CXADR: variants seen among roughly 807,000 people sequenced by gnomAD.
CXADR encodes CXADR cell adhesion molecule, also known as coxsackievirus and adenovirus receptor.
CXADR carries 20 observed loss-of-function variants against 40.3 expected under a neutral mutation model. The ratio of observed to expected loss-of-function variants is 0.50; its 90% CI spans 0.35 to 0.72. The LOEUF (loss-of-function observed/expected upper bound fraction) is 0.72, where lower values mean the gene tolerates loss of function less well. CXADR is among the 30% of genes least tolerant of loss of function. The pLI is 0.01. For synonymous variants in CXADR, 150 were observed against 161.3 expected, an observed-to-expected ratio of 0.93 and a Z score of 0.53; for missense variants, 332 against 449.1, an observed-to-expected ratio of 0.74 and a Z score of 2.36.
chr21:17,572,572 C>T (rs1236969187), downstream of CXADR, among the ~76,000 whole-genome samples: 2 of 151,996 alleles, frequency 1.3e-5, no homozygotes, highest in Non-Finnish European at 2.9e-5. Context: ...CGGATTCCCG[C>T]TGAATAGGTC....
At chr21:17,518,593 G>A (rs2060490297) in intron 1 of CXADR, 1 of 1,327,380 alleles carries the variant, frequency 7.5e-7, no homozygotes, top group African/African-American at 1.4e-5. Context: ...CTCCTCATCA[G>A]TGTCTTCTGG....
chr21:17,628,654 C>T, the CXADR span, among the ~76,000 whole-genome samples: 2 of 152,198 alleles, frequency 1.3e-5, no homozygotes, highest in Non-Finnish European at 2.9e-5. Flanking sequence ...GCGCACGCCA[C>T]CACGCCCAGC....
intron 1 of CXADR, among the ~76,000 whole-genome samples, chr21:17,538,288 C>T (rs1282455845): frequency 6.6e-6 from 1 of 152,086 alleles, no homozygotes; most frequent in African/African-American, 2.4e-5. Context: ...GTGTGAGCCA[C>T]CGCGCCCAGC....
chr21:17,627,230 C>A, the CXADR span, among the ~76,000 whole-genome samples: 1 of 152,160 alleles, frequency 6.6e-6, no homozygotes, highest in Non-Finnish European at 1.5e-5. Flanking sequence ...GTGGCTCATG[C>A]CTGTAATCCC....
chr21:17,516,630 C>G (rs1331198972), intron 1 of CXADR, among the ~76,000 whole-genome samples: 1 of 152,176 alleles, frequency 6.6e-6, no homozygotes, highest in Non-Finnish European at 1.5e-5. Context: ...GTGGCCAAGC[C>G]TCACTGTGTG....
the CXADR span, among the ~76,000 whole-genome samples, chr21:17,622,514 AG>A: frequency 2.0e-5 from 3 of 148,494 alleles, no homozygotes. Context: ...GCTTTATTTC[AG>A]GGGGGCATGA....
At chr21:17,581,738 A>G (rs1355899805) in intron 7 of CXADR, among the ~76,000 whole-genome samples, 1 of 151,884 alleles carries the variant, frequency 6.6e-6, no homozygotes, top group Non-Finnish European at 1.5e-5. Flanking sequence ...CCAGCTACTC[A>G]GGAGGCTGAG....
At chr21:17,542,249 A>G (rs142672783) in intron 1 of CXADR, among the ~76,000 whole-genome samples, 369 of 152,372 alleles carry the variant, frequency 2.4e-3, no homozygotes, top group African/African-American at 8.3e-3. Flanking sequence ...CAGAAGGAAA[A>G]GATCACTGAA....
chr21:17,565,740 T>A lies in CXADR; in HGVS notation c.*48T>A, dbSNP rs775250793. 1.1e-5 allele frequency: 18 copies of A among 1,573,324 alleles called. No individual in the cohort carries two copies. Among genetic ancestry groups the A allele is most frequent in the Non-Finnish European group, 1.7e-6 (2 of 1,160,956 alleles). ...GCTCTCCGTGTTCCTTTCCTTTTTT[T>A]GATATATGAAAACCTATTCTGGTCT... is the stretch of plus-strand genomic sequence containing the variant. On this transcript the variant is annotated 3_prime_UTR_variant, in exon 7 of 7. Transcript: ENST00000284878.
chr21:17,532,474 C>T (rs2251818), intron 1 of CXADR, among the ~76,000 whole-genome samples: 87,317 of 152,034 alleles, frequency 0.57, 26,733 homozygotes, highest in South Asian at 0.68. Flanking sequence ...GCTCACATCT[C>T]TCAAGCACTG....
At chr21:17,527,524 A>G (rs2123146604) in intron 1 of CXADR, among the ~76,000 whole-genome samples, 1 of 152,346 alleles carries the variant, frequency 6.6e-6, no homozygotes, top group South Asian at 2.1e-4. Flanking sequence ...AGGAGATTTA[A>G]ATGAGTAACA....
chr21:17,604,173 G>A, the CXADR span: 10 of 1,273,276 alleles, frequency 7.9e-6, no homozygotes, highest in Non-Finnish European at 1.0e-5. Flanking sequence ...GCCGGGCGCA[G>A]TGGCTCACGC....
rs1390143742 is a variant in CXADR, at chr21:17,567,514, A to G, written c.*1822A>G. On this transcript the variant is annotated 3_prime_UTR_variant, in exon 7 of 7. Transcript: ENST00000284878. The stretch of plus-strand genomic sequence containing the variant: ...GTGAAGGTACTGTTTCTAAAAACAC[A>G]TCACTGTGATACCTTTCTATCCTCA... The G allele has an allele frequency of 2.0e-6, 2 of 985,284 alleles. No homozygotes were observed. The highest frequency in any genetic ancestry group is 2.4e-6 in the Non-Finnish European group (2 of 829,916). 61.0% of individuals were successfully genotyped at this position (985,284 alleles called of 1,614,324 possible).
At chr21:17,559,284 A>G (rs1259173008) in intron 4 of CXADR, among the ~76,000 whole-genome samples, 153 bp downstream of exon 4, 3 of 152,090 alleles carry the variant, frequency 2.0e-5, no homozygotes, top group East Asian at 3.9e-4. Flanking sequence ...GGCTCAAGTC[A>G]TCCTCCCACC....
the CXADR span, chr21:17,633,254 A>T: frequency 6.6e-6 from 1 of 152,232 alleles, no homozygotes; most frequent in South Asian, 2.1e-4. Context: ...AGGGAAGATT[A>T]ATCACCAAAG....
intron 3 of CXADR, among the ~76,000 whole-genome samples, chr21:17,552,911 A>C (rs1438280957): frequency 2.6e-5 from 4 of 152,056 alleles, no homozygotes; most frequent in Admixed American, 1.3e-4. Flanking sequence ...CTTTATTTTA[A>C]TTTTAATTTA....
chr21:17,536,785 C>CTT (rs2060764400), intron 1 of CXADR, among the ~76,000 whole-genome samples: 1 of 152,040 alleles, frequency 6.6e-6, no homozygotes, highest in Non-Finnish European at 1.5e-5. Context: ...GAGACAGTGT[C>CTT]TCACTCTGTC....
chr21:17,613,207 T>C, the CXADR span: 2 of 152,238 alleles, frequency 1.3e-5, no homozygotes, highest in Non-Finnish European at 2.9e-5. Context: ...CCGGCCGCCC[T>C]ACGTGCGTCA....
chr21:17,590,813 T>TAAC, intron 7 of CXADR, among the ~76,000 whole-genome samples: 1 of 152,200 alleles, frequency 6.6e-6, no homozygotes, highest in South Asian at 2.1e-4. Flanking sequence ...TCTTTCCATG[T>TAAC]AACAAGTCAT....
Sources: gnomAD v4.1 joint callset for allele counts (sites outside exome capture counted in the v4.1 genomes callset) on GRCh38, gnomAD v4.1.1 for gene constraint, MANE v1.5 for transcripts, NCBI Gene and HGNC (gene_info 2026-07-23, HGNC 2026-07-21) for gene names.